The following TMEM108 variants were observed in gnomAD, a reference collection of about 807,000 sequenced individuals.
TMEM108 encodes the protein transmembrane protein 108, also known as cancer/testis antigen 124.
A neutral mutation model predicts 35.1 loss-of-function variants in TMEM108; 12 were observed. The observed-to-expected ratio is 0.34, with a 90% CI of 0.22 to 0.55. The LOEUF (loss-of-function observed/expected upper bound fraction) is 0.55. TMEM108 is among the 20% of genes least tolerant of loss of function. The pLI is 0.89. For synonymous variants in TMEM108, 287 were observed against 308.6 expected (o/e 0.93, Z 0.73); for missense variants, 680 against 753.3 (o/e 0.90, Z 1.14).
intron 3 of TMEM108, among the ~76,000 whole-genome samples, chr3:133,253,208 C>A (rs1378222077): frequency 1.3e-5 from 2 of 152,110 alleles, no homozygotes; most frequent in African/African-American, 4.8e-5. Context: ...TCAAGAAATA[C>A]CATATAAGAC....
At chr3:133,374,971 T>C (rs1301692565) in intron 3 of TMEM108, among the ~76,000 whole-genome samples, 2 of 152,206 alleles carry the variant, frequency 1.3e-5, no homozygotes, top group Non-Finnish European at 2.9e-5. Context: ...AGGAACAAAT[T>C]GCAGCTTGCC....
chr3:133,329,553 C>A (rs1056084562), intron 3 of TMEM108, among the ~76,000 whole-genome samples: 1 of 152,192 alleles, frequency 6.6e-6, no homozygotes, highest in African/African-American at 2.4e-5. Context: ...TCCAGCGGCT[C>A]CTTTTCCCTG....
Position 133,361,169 on chromosome 3 carries a change from A to C in TMEM108, c.41-18583A>C, listed in dbSNP as rs143270257. On this transcript the variant is annotated intron_variant, in intron 3 of 5. Coordinates refer to ENST00000321871, the MANE Select transcript of TMEM108 (RefSeq NM_023943.4). The stretch of plus-strand genomic sequence containing the variant: ...TGCTTATAGCTGTCTATCTAGAGTC[A>C]TATGTAATCTAGCAGACATTTCTAG... 1.4e-3 allele frequency among the ~76,000 whole-genome samples: 206 copies of C among 152,316 alleles called. 1 individual carries two copies. The highest frequency in any genetic ancestry group is 2.3e-3 in the Non-Finnish European group (156 of 68,014).
intron 2 of TMEM108, among the ~76,000 whole-genome samples, chr3:133,161,237 T>A (rs922249632): frequency 6.6e-6 from 1 of 152,210 alleles, no homozygotes; most frequent in African/African-American, 2.4e-5. Flanking sequence ...ATGCAGTTTC[T>A]GCTTCCTGGA....
chr3:133,170,135 G>A (rs1945108551), intron 2 of TMEM108, among the ~76,000 whole-genome samples: 1 of 152,080 alleles, frequency 6.6e-6, no homozygotes. Context: ...CCATCTGGTT[G>A]TAAAGAATAG....
At chr3:133,364,304 C>G (rs563642139) in intron 3 of TMEM108, among the ~76,000 whole-genome samples, 1 of 152,216 alleles carries the variant, frequency 6.6e-6, no homozygotes, top group African/African-American at 2.4e-5. Flanking sequence ...CTTTGTGTGT[C>G]CCATAGCATA....
At chr3:133,306,830 G>A (rs1437726968) in intron 3 of TMEM108, among the ~76,000 whole-genome samples, 2 of 151,022 alleles carry the variant, frequency 1.3e-5, no homozygotes, top group Non-Finnish European at 3.0e-5. Flanking sequence ...GTAAACATAC[G>A]TGTGTGTGTG....
chr3:133,332,261 C>T (rs929905501), intron 3 of TMEM108, among the ~76,000 whole-genome samples: 1 of 152,184 alleles, frequency 6.6e-6, no homozygotes, highest in Non-Finnish European at 1.5e-5. Flanking sequence ...CCAGATGGCT[C>T]CCTGTAGCTC....
chr3:133,234,730 A>T (rs1328275998), intron 3 of TMEM108, among the ~76,000 whole-genome samples: 1 of 152,176 alleles, frequency 6.6e-6, no homozygotes, highest in African/African-American at 2.4e-5. Flanking sequence ...TATTCAACAT[A>T]GTGTTGGAAG....
chr3:133,099,294 C>T (rs1944055860), intron 2 of TMEM108, among the ~76,000 whole-genome samples: 1 of 152,174 alleles, frequency 6.6e-6, no homozygotes, highest in Non-Finnish European at 1.5e-5. Context: ...AGTTCCTAGG[C>T]TGCACGCAGC....
intron 2 of TMEM108, among the ~76,000 whole-genome samples, chr3:133,172,066 A>G (rs1386711601): frequency 6.6e-6 from 1 of 152,240 alleles, no homozygotes; most frequent in East Asian, 1.9e-4. Context: ...TAACCCATAC[A>G]TAGTGTTTAA....
chr3:133,228,740 C>A (rs1946110251), intron 2 of TMEM108, among the ~76,000 whole-genome samples: 1 of 152,090 alleles, frequency 6.6e-6, no homozygotes, highest in Non-Finnish European at 1.5e-5. Context: ...TATATATTTT[C>A]TTGTTTATTT....
chr3:133,317,022 G>T (rs564519569), intron 3 of TMEM108, among the ~76,000 whole-genome samples: 7 of 152,152 alleles, frequency 4.6e-5, no homozygotes, highest in African/African-American at 1.7e-4. Context: ...GAAAATTCCA[G>T]TGTGGCCAGG....
chr3:133,147,525 A>G (rs2107763381), intron 2 of TMEM108, among the ~76,000 whole-genome samples: 1 of 152,270 alleles, frequency 6.6e-6, no homozygotes, highest in South Asian at 2.1e-4. Flanking sequence ...TTGGCCACAT[A>G]CATGTTTTCT....
intron 2 of TMEM108, among the ~76,000 whole-genome samples, chr3:133,168,292 A>T (rs1294908500): frequency 6.6e-6 from 1 of 152,186 alleles, no homozygotes. Context: ...TTATAAGGAA[A>T]AATATATTTC....
At chr3:133,342,356 A>T (rs2071681605) in intron 3 of TMEM108, among the ~76,000 whole-genome samples, 1 of 150,774 alleles carries the variant, frequency 6.6e-6, no homozygotes, top group Non-Finnish European at 1.5e-5. Flanking sequence ...AAATAACTAA[A>T]AGAGTATAAC....
chr3:133,226,871 A>G (rs910148167), intron 2 of TMEM108, among the ~76,000 whole-genome samples: 1 of 152,182 alleles, frequency 6.6e-6, no homozygotes, highest in Non-Finnish European at 1.5e-5. Flanking sequence ...ACAGTTCCAC[A>G]TGGCTGGGGA....
chr3:133,113,236 C>A (rs1331252729), intron 2 of TMEM108, among the ~76,000 whole-genome samples: 1 of 152,148 alleles, frequency 6.6e-6, no homozygotes, highest in African/African-American at 2.4e-5. Flanking sequence ...GCATGTGCAC[C>A]TGCTTTGGTT....
At chr3:133,119,776 C>A (rs1239243488) in intron 2 of TMEM108, among the ~76,000 whole-genome samples, 4 of 152,098 alleles carry the variant, frequency 2.6e-5, no homozygotes, top group Non-Finnish European at 5.9e-5. Flanking sequence ...AAAAACTTGC[C>A]CATAATTCAA....
Sources: allele counts gnomAD v4.1 joint callset (sites outside exome capture counted in the v4.1 genomes callset), GRCh38; gene constraint gnomAD v4.1.1; transcripts MANE v1.5; gene names NCBI Gene and HGNC (gene_info 2026-07-23, HGNC 2026-07-21).